WDR72: variants seen among roughly 807,000 people sequenced by gnomAD.
WDR72 encodes WD repeat domain 72.
Under a neutral mutation model 124.2 loss-of-function variants are expected in WDR72, and 120 were observed. The ratio of observed to expected loss-of-function variants is 0.97; its 90% confidence interval spans 0.83 to 1.12. WDR72 has a LOEUF of 1.12. WDR72 is among the 50% of genes most tolerant of loss of function. The pLI, the probability that WDR72 is intolerant of heterozygous loss-of-function variation, is 0.00. For missense variants in WDR72, 1,387 were observed against 1,278.8 expected (o/e 1.08, Z -1.29); for synonymous variants, 452 against 441.7 (o/e 1.02, Z -0.29).
At chr15:53,619,034 T>G (rs2013880783) in intron 14 of WDR72, among the ~76,000 whole-genome samples, 1 of 151,994 alleles carries the variant, frequency 6.6e-6, no homozygotes, top group Non-Finnish European at 1.5e-5. Flanking sequence ...AGTTCCTAAT[T>G]TTGATTTTTA....
chr15:53,594,666 C>T (rs61554251), intron 18 of WDR72, among the ~76,000 whole-genome samples: 20,611 of 150,550 alleles, frequency 0.14, 2,170 homozygotes, highest in African/African-American at 0.3. Flanking sequence ...GTGGTGCTTG[C>T]CTATAGTCCC....
intron 17 of WDR72, among the ~76,000 whole-genome samples, chr15:53,608,675 G>A (rs59287715): frequency 0.14 from 21,076 of 151,878 alleles, 2,283 homozygotes; most frequent in African/African-American, 0.3. Context: ...AGGATCACTT[G>A]AGCCTGGAAG....
intron 14 of WDR72, among the ~76,000 whole-genome samples, chr15:53,636,443 T>G (rs1018370938): frequency 2.0e-5 from 3 of 152,196 alleles, no homozygotes; most frequent in Non-Finnish European, 2.9e-5. Context: ...ACTGAAACTT[T>G]TTAAAAATTA....
intron 14 of WDR72, among the ~76,000 whole-genome samples, chr15:53,617,246 T>C (rs2013804974): frequency 6.6e-6 from 1 of 151,758 alleles, no homozygotes; most frequent in Admixed American, 6.6e-5. Flanking sequence ...TCTATCTACA[T>C]TTGTATATAT....
chr15:53,574,897 G>A (rs1894693583), intron 18 of WDR72, among the ~76,000 whole-genome samples: 1 of 151,664 alleles, frequency 6.6e-6, no homozygotes, highest in Admixed American at 6.6e-5. Context: ...TGATGGACCT[G>A]GAAAGGGTTA....
intron 14 of WDR72, among the ~76,000 whole-genome samples, chr15:53,654,253 G>A (rs1028255016): frequency 3.3e-5 from 5 of 152,128 alleles, no homozygotes; most frequent in African/African-American, 1.2e-4. Flanking sequence ...GAGATATGAT[G>A]TATCATTCAT....
chr15:53,727,558 T>C (rs967904457), intron 2 of WDR72, among the ~76,000 whole-genome samples: 1 of 152,176 alleles, frequency 6.6e-6, no homozygotes, highest in African/African-American at 2.4e-5. Context: ...TCCTGAGAAG[T>C]CCAGAAGGTT....
intron 3 of WDR72, among the ~76,000 whole-genome samples, chr15:53,719,165 G>A (rs2017801917): frequency 6.6e-6 from 1 of 152,096 alleles, no homozygotes; most frequent in Non-Finnish European, 1.5e-5. Context: ...CTTTAATGAA[G>A]TGTCTGGAAG....
At chr15:53,758,687 G>A (rs1183310282) in intron 1 of WDR72, among the ~76,000 whole-genome samples, 1 of 137,300 alleles carries the variant, frequency 7.3e-6, no homozygotes, top group Non-Finnish European at 1.5e-5. Context: ...AGGGGTGGAG[G>A]AAAACACTTC....
intron 5 of WDR72, among the ~76,000 whole-genome samples, 156 bp downstream of exon 5, chr15:53,715,037 T>A (rs1305875615): frequency 3.3e-5 from 5 of 152,322 alleles, no homozygotes; most frequent in Non-Finnish European, 5.9e-5. Flanking sequence ...TGTTCTTAGT[T>A]TTTCTTGATC....
chr15:53,740,234 C>T (rs2018470774), intron 1 of WDR72, among the ~76,000 whole-genome samples: 2 of 152,048 alleles, frequency 1.3e-5, no homozygotes, highest in African/African-American at 4.8e-5. Context: ...GAGATCAGTC[C>T]TTACTTACGT....
At chr15:53,622,431 G>A (rs575205316) in intron 14 of WDR72, among the ~76,000 whole-genome samples, 43 of 152,072 alleles carry the variant, frequency 2.8e-4, no homozygotes, top group African/African-American at 8.7e-4. Context: ...ATATACCATG[G>A]AATACTACAC....
chr15:53,604,011 C>G (rs2013162790), intron 17 of WDR72, among the ~76,000 whole-genome samples: 1 of 151,934 alleles, frequency 6.6e-6, no homozygotes, highest in East Asian at 1.9e-4. Flanking sequence ...AAAAAAGAGC[C>G]TGAATGGCCA....
chr15:53,661,678 G>T (rs78032311), intron 14 of WDR72, among the ~76,000 whole-genome samples: 4,618 of 151,960 alleles, frequency 0.03, 216 homozygotes, highest in African/African-American at 0.11. Context: ...TTGCCTAGTA[G>T]ATACATTAAA....
chr15:53,596,233 T>A (rs1484825007), intron 18 of WDR72, among the ~76,000 whole-genome samples: 1 of 152,134 alleles, frequency 6.6e-6, no homozygotes, highest in Non-Finnish European at 1.5e-5. Flanking sequence ...AAAACACATA[T>A]TTAATCACAT....
In WDR72 at chr15:53,642,391, A is replaced by G. The variant is rs112057599; in HGVS notation, c.1962+23181T>C. On this transcript the variant is annotated intron_variant, in intron 14 of 19. Coordinates refer to ENST00000360509, the MANE Select transcript of WDR72 (RefSeq NM_182758.4). ...GACTTGACAAAGCAACTTGCAGAAT[A>G]GCTCTATAGTATCTCATTTCTATGT... Among the ~76,000 whole-genome samples, 664 of 152,180 alleles carry G rather than the reference A, an allele frequency of 4.4e-3. 5 individuals are homozygous for G. Among genetic ancestry groups the G allele is most frequent in the Non-Finnish European group, 6.0e-3 (407 of 67,932 alleles).
intron 18 of WDR72, among the ~76,000 whole-genome samples, chr15:53,587,199 T>C (rs2012256959): frequency 2.6e-5 from 4 of 152,072 alleles, no homozygotes; most frequent in Admixed American, 2.6e-4. Context: ...AAGCTTTGTA[T>C]GTAATTTCCC....
At chr15:53,657,263 C>CAAAAAAAAAAAAAAAAAA (rs10549551) in intron 14 of WDR72, among the ~76,000 whole-genome samples, 1 of 56,400 alleles carries the variant, frequency 1.8e-5, no homozygotes. Context: ...GACTCCATCT[C>CAAAAAAAAAAAAAAAAAA]AAAAAAAAAA....
intron 13 of WDR72, among the ~76,000 whole-genome samples, chr15:53,680,356 C>T (rs1456694301): frequency 2.0e-5 from 3 of 152,184 alleles, no homozygotes; most frequent in South Asian, 2.1e-4. Flanking sequence ...AAAAGAAGCA[C>T]AAGTTTCTTT....
Sources: allele counts gnomAD v4.1 joint callset (sites outside exome capture counted in the v4.1 genomes callset), GRCh38; gene constraint gnomAD v4.1.1; transcripts MANE v1.5; gene names NCBI Gene and HGNC (gene_info 2026-07-23, HGNC 2026-07-21).